Variants in ANKHD1 observed in about 807,000 individuals in gnomAD.
ANKHD1 encodes the protein ankyrin repeat and KH domain-containing protein 1.
ANKHD1 carries 31 observed loss-of-function variants against 230.5 expected under a neutral mutation model. The observed-to-expected ratio is 0.13, with a 90% confidence interval of 0.10 to 0.18. ANKHD1 has a LOEUF of 0.18. Among genes scored for constraint, ANKHD1 ranks in the 10% least tolerant of loss-of-function variants. ANKHD1 has a pLI of 1.00. For missense variants in ANKHD1, 2,256 were observed against 3,071.3 expected, an observed-to-expected ratio of 0.73 and a Z score of 6.27; for synonymous variants, 1,074 against 1,117.6, an observed-to-expected ratio of 0.96 and a Z score of 0.78.
intron 30 of ANKHD1, 43 bp from the exon 31 acceptor site, chr5:140,537,346 C>G: frequency 6.2e-7 from 1 of 1,607,622 alleles, no homozygotes; most frequent in Non-Finnish European, 8.5e-7. Context: ...AGGTGACTCT[C>G]CTATTCCATC....
At chr5:140,459,377 T>C in intron 9 of ANKHD1, 22 bp downstream of exon 9, 1 of 1,523,398 alleles carries the variant, frequency 6.6e-7, no homozygotes, top group Non-Finnish European at 8.9e-7. Context: ...TAAGATGCCT[T>C]ATTGCTCAGA....
intron 1 of ANKHD1, among the ~76,000 whole-genome samples, chr5:140,416,692 C>T (rs1458748107): frequency 6.6e-6 from 1 of 151,790 alleles, no homozygotes; most frequent in Non-Finnish European, 1.5e-5. Flanking sequence ...ACTATGTTGT[C>T]CAGGCTGGTC....
chr5:140,412,864 TA>T (rs966814145), intron 1 of ANKHD1, among the ~76,000 whole-genome samples: 8 of 152,344 alleles, frequency 5.3e-5, no homozygotes, highest in African/African-American at 1.9e-4. Context: ...AGGTTGTATA[TA>T]AAAAAATTTG....
At chr5:140,465,883 A>T (rs1451311147) in intron 10 of ANKHD1, among the ~76,000 whole-genome samples, 2 of 152,162 alleles carry the variant, frequency 1.3e-5, no homozygotes, top group Admixed American at 6.5e-5. Flanking sequence ...ACTTCTTTCT[A>T]TATCTTTTTC....
At chr5:140,423,608 C>T (rs139854580) in intron 1 of ANKHD1, among the ~76,000 whole-genome samples, 2 of 152,340 alleles carry the variant, frequency 1.3e-5, no homozygotes, top group East Asian at 1.9e-4. Context: ...CTGTCAGGTA[C>T]ATTCTCTTAG....
Position 140,527,524 on chromosome 5 carries a change from G to T in ANKHD1, c.5088-349G>T. Reference sequence around the variant, plus strand: ...ATTCTGTGTGGATTTTAATAATATGGTATTCATTATTTTAACAGGGTCATT... The same window carrying T: ...ATTCTGTGTGGATTTTAATAATATGTTATTCATTATTTTAACAGGGTCATT... On this transcript the variant is annotated intron_variant, in intron 27 of 33. Coordinates refer to ENST00000360839, the MANE Select transcript of ANKHD1 (RefSeq NM_017747.3). This position sits in a 1 kb window ranked among gnomAD's most constrained non-coding sequence, Gnocchi z 4.5. The T allele has an allele frequency of 4.8e-6, 1 of 208,390 alleles. No homozygotes were observed. The highest frequency in any genetic ancestry group is 9.6e-6 in the Non-Finnish European group (1 of 104,220). The allele number at this position is 208,390 out of a possible 1,614,324, so 12.9% of individuals were successfully genotyped here.
At chr5:140,517,727 G>T (rs1581364771) in intron 24 of ANKHD1, among the ~76,000 whole-genome samples, 1 of 147,458 alleles carries the variant, frequency 6.8e-6, no homozygotes, top group Non-Finnish European at 1.5e-5. Context: ...AAATAAAGAT[G>T]TTCTTTGAAA....
In ANKHD1 at chr5:140,427,822, G is replaced by A. The variant is rs562360727; in HGVS notation, c.307-8282G>A. 6.4e-4 allele frequency among the ~76,000 whole-genome samples: 97 copies of A among 151,364 alleles called. 1 individual carries two copies. Among genetic ancestry groups the A allele is most frequent in the Admixed American group, 3.7e-3 (57 of 15,240 alleles). On this transcript the variant is annotated intron_variant, in intron 1 of 33. Transcript: ENST00000360839. ...GACAGGGTGGCTGCCGGGCGGAGACGTTCCTCACTTCCCAGACGGGGTGGC... is the reference window on the plus strand; with the variant it reads ...GACAGGGTGGCTGCCGGGCGGAGACATTCCTCACTTCCCAGACGGGGTGGC...
chr5:140,447,692 A>G (rs532849084), intron 6 of ANKHD1, among the ~76,000 whole-genome samples: 18 of 152,228 alleles, frequency 1.2e-4, no homozygotes, highest in African/African-American at 2.4e-4. Flanking sequence ...TCATAATTCT[A>G]TTTTTCTGCT....
intron 9 of ANKHD1, among the ~76,000 whole-genome samples, chr5:140,462,158 C>T (rs1437169106): frequency 6.6e-6 from 1 of 151,462 alleles, no homozygotes; most frequent in African/African-American, 2.4e-5. Flanking sequence ...TTATTGTATT[C>T]AGGTTTGATT....
rs1328490221 is a variant in ANKHD1 at position 140,528,172 on chromosome 5, T to G, written c.5238-12T>G. On this transcript the variant is annotated splice_polypyrimidine_tract_variant and intron_variant, in intron 28 of 33. Coordinates refer to ENST00000360839, the MANE Select transcript of ANKHD1 (RefSeq NM_017747.3). ...GTTTTTGGTCTTGTTTCTGTTTTTT[T>G]TTTTCCCTTAGGGGTGGCACAGAAT... 1 of 1,559,584 alleles carries G rather than the reference T, an allele frequency of 6.4e-7. No homozygotes were observed. The highest frequency in any genetic ancestry group is 2.3e-5 in the East Asian group (1 of 44,414).
intron 9 of ANKHD1, among the ~76,000 whole-genome samples, chr5:140,463,805 G>A (rs555007777): frequency 2.0e-5 from 3 of 151,994 alleles, no homozygotes; most frequent in Non-Finnish European, 4.4e-5. Context: ...ACAGGCATGT[G>A]CCATCATGCC....
chr5:140,523,387 C>T (rs1450482259), intron 24 of ANKHD1, among the ~76,000 whole-genome samples: 2 of 151,840 alleles, frequency 1.3e-5, no homozygotes, highest in South Asian at 2.1e-4. Context: ...GTATTACAGG[C>T]GTGAGCCACC....
chr5:140,464,983 T>A, intron 10 of ANKHD1: 1 of 333,434 alleles, frequency 3.0e-6, no homozygotes. Context: ...TTTTCCTAGG[T>A]AAAACTACTA....
In ANKHD1 at chr5:140,496,593, G is replaced by A. The variant is rs776076313; in HGVS notation, c.2319G>A (p.Gln773=). The A allele has an allele frequency of 6.2e-7, 1 of 1,612,134 alleles. No individual in the cohort carries two copies. Among genetic ancestry groups the A allele is most frequent in the Non-Finnish European group, 8.5e-7 (1 of 1,179,836 alleles). ...QDLLPSFHPY[Q]PLECIVEETE... ...TACTGCCATCTTTTCACCCATACCA[G>A]CCTTTGGAGTGCATAGTAGAGGAGA... Residue 773 remains glutamine, a synonymous_variant, in exon 15 of 34, where the codon CAG becomes CAA. Coordinates refer to ENST00000360839, the MANE Select transcript of ANKHD1 (RefSeq NM_017747.3).
chr5:140,412,457 C>T (rs776976850), intron 1 of ANKHD1, among the ~76,000 whole-genome samples: 21 of 152,054 alleles, frequency 1.4e-4, no homozygotes, highest in Admixed American at 2.6e-4. Context: ...CACGCCTGGC[C>T]GGAAAAGTTT....
intron 10 of ANKHD1, among the ~76,000 whole-genome samples, chr5:140,481,217 CAA>C (rs1281156348): frequency 6.6e-6 from 1 of 152,042 alleles, no homozygotes; most frequent in Non-Finnish European, 1.5e-5. Context: ...ACTGGACAAA[CAA>C]CTTTCTAGGT....
chr5:140,401,940 G>T lies in ANKHD1; in HGVS notation c.-28G>T. ...GGCGGCGGTGACCGCGAGTGGGTCGGCACCGTCTCCGGCTCCGGGTGCGAA... is the reference window on the plus strand; with the variant it reads ...GGCGGCGGTGACCGCGAGTGGGTCGTCACCGTCTCCGGCTCCGGGTGCGAA... On this transcript the variant is annotated 5_prime_UTR_variant, in exon 1 of 34. Coordinates refer to ENST00000360839, the MANE Select transcript of ANKHD1 (RefSeq NM_017747.3). 1 of 1,548,982 alleles carries T rather than the reference G, an allele frequency of 6.5e-7. No homozygotes were observed. Among genetic ancestry groups the T allele is most frequent in the Non-Finnish European group, 8.7e-7 (1 of 1,154,728 alleles).
chr5:140,488,870 A>G (rs537576304), intron 14 of ANKHD1, among the ~76,000 whole-genome samples: 13 of 152,202 alleles, frequency 8.5e-5, no homozygotes, highest in Admixed American at 2.6e-4. Context: ...ACTGCACTCC[A>G]GCCAGGGTGA....
Sources: gnomAD v4.1 joint callset for allele counts (sites outside exome capture counted in the v4.1 genomes callset) on GRCh38, gnomAD v4.1.1 for gene constraint, Gnocchi (gnomAD v3.1) non-coding constraint, MANE v1.5 for transcripts, NCBI Gene and HGNC (gene_info 2026-07-23, HGNC 2026-07-21) for gene names.